The following LRRIQ1 variants were observed in gnomAD, a reference collection of about 807,000 sequenced individuals.
LRRIQ1 encodes leucine rich repeats and IQ motif containing 1.
LRRIQ1 carries 210 observed loss-of-function variants against 211.9 expected under a neutral mutation model. The ratio of observed to expected loss-of-function variants is 0.99; its 90% CI spans 0.89 to 1.11. LRRIQ1 has a LOEUF of 1.11. Ranked by LOEUF, LRRIQ1 falls within the 50% of genes most tolerant of loss-of-function variation. LRRIQ1 has a pLI of 0.00. For missense variants in LRRIQ1, 2,136 were observed against 1,939.5 expected (o/e 1.10, Z -1.90); for synonymous variants, 699 against 650.1 (o/e 1.08, Z -1.14).
intron 19 of LRRIQ1, among the ~76,000 whole-genome samples, chr12:85,146,152 G>A (rs1889880931): frequency 6.6e-6 from 1 of 151,696 alleles, no homozygotes; most frequent in Non-Finnish European, 1.5e-5. Flanking sequence ...TTTCCCTCAG[G>A]AAGGAATTAC....
intron 15 of LRRIQ1, among the ~76,000 whole-genome samples, chr12:85,117,445 A>G (rs1172096442): frequency 2.0e-5 from 3 of 152,240 alleles, no homozygotes; most frequent in African/African-American, 7.2e-5. Context: ...AACTCCAAAA[A>G]GATACAACTT....
intron 11 of LRRIQ1, among the ~76,000 whole-genome samples, chr12:85,085,035 G>A (rs1052488163): frequency 6.6e-6 from 1 of 151,958 alleles, no homozygotes; most frequent in South Asian, 2.1e-4. Context: ...TGTCAATTAT[G>A]GTTGTAACAT....
chr12:85,210,058 A>C (rs1893763873), intron 24 of LRRIQ1, among the ~76,000 whole-genome samples: 1 of 152,122 alleles, frequency 6.6e-6, no homozygotes. Flanking sequence ...TTTCTTGTGG[A>C]AGACTTTTAG....
At chr12:85,202,644 C>T (rs1296957689) in intron 24 of LRRIQ1, among the ~76,000 whole-genome samples, 1 of 152,154 alleles carries the variant, frequency 6.6e-6, no homozygotes, top group African/African-American at 2.4e-5. Context: ...GTAGATTTTT[C>T]TCCATCTCTT....
the LRRIQ1 span, among the ~76,000 whole-genome samples, chr12:85,270,247 A>T: frequency 6.6e-6 from 1 of 152,140 alleles, no homozygotes; most frequent in East Asian, 1.9e-4. Context: ...CAATTGGAAT[A>T]TTTTAACAGG....
intron 24 of LRRIQ1, among the ~76,000 whole-genome samples, chr12:85,188,916 C>T (rs182941227): frequency 3.9e-5 from 6 of 152,026 alleles, no homozygotes; most frequent in African/African-American, 9.7e-5. Flanking sequence ...AATTATGATC[C>T]GCAGGTTTTA....
intron 25 of LRRIQ1, among the ~76,000 whole-genome samples, chr12:85,231,388 G>A (rs945279584): frequency 3.3e-5 from 5 of 152,074 alleles, no homozygotes; most frequent in African/African-American, 1.2e-4. Flanking sequence ...CAATATTTGA[G>A]AATTTTTATC....
intron 18 of LRRIQ1, among the ~76,000 whole-genome samples, chr12:85,132,123 A>G (rs761908182): frequency 2.6e-5 from 4 of 152,096 alleles, no homozygotes; most frequent in Non-Finnish European, 5.9e-5. Flanking sequence ...ATCCATTTTG[A>G]GCCACAGTGA....
rs542915837 is a variant in LRRIQ1 at position 85,223,821 on chromosome 12, A to G, written c.4823-5696A>G. On this transcript the variant is annotated intron_variant, in intron 24 of 26. Transcript: ENST00000393217. ...TCCAGTAGATAATTGAAGAAAACAA[A>G]AAAGATATTTTACAATGTACAAACT... Among the ~76,000 whole-genome samples, 23 of 152,282 alleles carry G rather than the reference A, an allele frequency of 1.5e-4. No individual in the cohort carries two copies. In the South Asian group the frequency reaches 4.6e-3, roughly 30 times the overall value.
In LRRIQ1 at chr12:85,258,700, G is replaced by C. The variant is rs76708790; in HGVS notation, c.122-4215G>C. 2.3e-3 allele frequency among the ~76,000 whole-genome samples: 346 copies of C among 151,944 alleles called. 3 individuals are homozygous for C. Among genetic ancestry groups the C allele is most frequent in the African/African-American group, 7.9e-3 (326 of 41,482 alleles). ...GCTTTGCTGCTAAAAATTGGTTCTG[G>C]TCACTTTCATTAAAATGTTTAATTT... On this transcript the variant is annotated intron_variant, in intron 1 of 1. Coordinates refer to the LRRIQ1 transcript ENST00000602731.
chr12:85,152,634 G>A (rs1890316936), intron 20 of LRRIQ1, among the ~76,000 whole-genome samples: 1 of 151,370 alleles, frequency 6.6e-6, no homozygotes, highest in Non-Finnish European at 1.5e-5. Context: ...CTGCATATTT[G>A]GCAGTAGACT....
intron 24 of LRRIQ1, among the ~76,000 whole-genome samples, chr12:85,164,516 C>A (rs1891055374): frequency 6.6e-6 from 1 of 152,174 alleles, no homozygotes; most frequent in Admixed American, 6.5e-5. Context: ...AAAATGTAAT[C>A]ATTAGCAATA....
intron 24 of LRRIQ1, among the ~76,000 whole-genome samples, chr12:85,218,101 A>G (rs1449009080): frequency 6.6e-6 from 1 of 152,070 alleles, no homozygotes; most frequent in Non-Finnish European, 1.5e-5. Flanking sequence ...AATTAAGACC[A>G]TCTACTCTTC....
chr12:85,063,085 A>G (rs1446278897), intron 8 of LRRIQ1, among the ~76,000 whole-genome samples: 2 of 151,644 alleles, frequency 1.3e-5, no homozygotes, highest in African/African-American at 4.8e-5. Flanking sequence ...TTCCTTGTAG[A>G]TGCTGCATAT....
intron 15 of LRRIQ1, among the ~76,000 whole-genome samples, chr12:85,111,300 G>A (rs1887156687): frequency 2.0e-5 from 3 of 152,078 alleles, no homozygotes; most frequent in Admixed American, 2.0e-4. Context: ...TTCACAGGTG[G>A]CAGTCATCAC....
intron 15 of LRRIQ1, among the ~76,000 whole-genome samples, chr12:85,119,136 A>G (rs1256926338): frequency 6.6e-6 from 1 of 152,102 alleles, no homozygotes; most frequent in Admixed American, 6.5e-5. Context: ...CTATAGTTTC[A>G]CTGCCCTAAA....
At chr12:85,231,297 T>A (rs746154019) in intron 25 of LRRIQ1, among the ~76,000 whole-genome samples, 9 of 152,148 alleles carry the variant, frequency 5.9e-5, no homozygotes, top group Non-Finnish European at 8.8e-5. Flanking sequence ...ATGTGAAAAA[T>A]CATATGGAAA....
chr12:85,144,968 CT>C (rs1889790059), intron 19 of LRRIQ1, among the ~76,000 whole-genome samples: 1 of 149,596 alleles, frequency 6.7e-6, no homozygotes, highest in Non-Finnish European at 1.5e-5. Context: ...TTTCTTTTTT[CT>C]TGCTTAAATT....
At chr12:85,090,006 C>G (rs1191015316) in intron 11 of LRRIQ1, among the ~76,000 whole-genome samples, 2 of 152,238 alleles carry the variant, frequency 1.3e-5, no homozygotes, top group Admixed American at 1.3e-4. Flanking sequence ...AAGGGCCCCA[C>G]TGCCCTGTGT....
Sources: gnomAD v4.1 joint callset for allele counts (sites outside exome capture counted in the v4.1 genomes callset) on GRCh38, gnomAD v4.1.1 for gene constraint, MANE v1.5 for transcripts, NCBI Gene and HGNC (gene_info 2026-07-23, HGNC 2026-07-21) for gene names.